The following KCNIP3 variants were observed in gnomAD, a reference collection of about 807,000 sequenced individuals.
The protein encoded by KCNIP3 is potassium voltage-gated channel interacting protein 3.
In KCNIP3, 28 loss-of-function variants were observed where a neutral mutation model predicts 35.0. That is an observed-to-expected ratio of 0.80 (90% confidence interval 0.59 to 1.10). The LOEUF (loss-of-function observed/expected upper bound fraction) is 1.10, where lower values mean the gene tolerates loss of function less well. KCNIP3 is among the 50% of genes least tolerant of loss of function. The probability of loss-of-function intolerance (pLI) is 0.00; values close to 1 mark genes in which losing one functional copy is unlikely to be tolerated. For missense variants in KCNIP3, 295 were observed against 338.4 expected, an observed-to-expected ratio of 0.87 and a Z score of 1.01; for synonymous variants, 134 against 133.8, an observed-to-expected ratio of 1.00 and a Z score of -0.01.
intron 5 of KCNIP3, among the ~76,000 whole-genome samples, chr2:95,379,246 A>C (rs1200229867): frequency 6.6e-6 from 1 of 152,194 alleles, no homozygotes; most frequent in Admixed American, 6.5e-5. Context: ...TGATTTGTGA[A>C]CTGGACCCCT....
chr2:95,331,396 A>C (rs1678923995), intron 2 of KCNIP3, among the ~76,000 whole-genome samples: 1 of 152,114 alleles, frequency 6.6e-6, no homozygotes, highest in Non-Finnish European at 1.5e-5. Flanking sequence ...TGGTGGTAGC[A>C]TTTCAAGTCT....
At chr2:95,359,474 C>T (rs1679737963) in intron 2 of KCNIP3, among the ~76,000 whole-genome samples, 2 of 152,238 alleles carry the variant, frequency 1.3e-5, no homozygotes, top group African/African-American at 2.4e-5. Context: ...CACTGGGGCC[C>T]TGGGCACCCC....
chr2:95,306,275 C>T (rs1340648060), intron 1 of KCNIP3, among the ~76,000 whole-genome samples: 2 of 152,230 alleles, frequency 1.3e-5, no homozygotes, highest in African/African-American at 4.8e-5. Flanking sequence ...CCGCCTTTGC[C>T]ATCCACGTGT....
At chr2:95,346,373 C>A (rs551029960) in intron 2 of KCNIP3, among the ~76,000 whole-genome samples, 3 of 151,478 alleles carry the variant, frequency 2.0e-5, no homozygotes, top group Non-Finnish European at 4.4e-5. Flanking sequence ...AACCGCCGAC[C>A]GCGCGGCCTC....
intron 2 of KCNIP3, among the ~76,000 whole-genome samples, chr2:95,320,430 G>A (rs1678564782): frequency 6.6e-6 from 1 of 152,086 alleles, no homozygotes; most frequent in Non-Finnish European, 1.5e-5. Flanking sequence ...AGGGTGTGGT[G>A]GGGTGTGGGC....
chr2:95,362,345 A>T (rs1401515196), intron 2 of KCNIP3, among the ~76,000 whole-genome samples: 1 of 152,094 alleles, frequency 6.6e-6, no homozygotes, highest in African/African-American at 2.4e-5. Flanking sequence ...ACCTCAGGTG[A>T]TCCGCCCACC....
At chr2:95,301,956 A>C (rs1678042851) in intron 1 of KCNIP3, among the ~76,000 whole-genome samples, 2 of 152,052 alleles carry the variant, frequency 1.3e-5, no homozygotes. Context: ...TCAGGGACTC[A>C]TGACAACCTC....
chr2:95,382,624 G>C lies in KCNIP3; in HGVS notation c.660+143G>C. ...AGGTTAAACTTGCCCCTCCAGTCTG[G>C]CTGGTTGTCAGAACCCCTGAGAAGT... On this transcript the variant is annotated intron_variant, in intron 7 of 8. Coordinates refer to ENST00000295225, the MANE Select transcript of KCNIP3 (RefSeq NM_013434.5). This position sits in a 1 kb window ranked among gnomAD's most constrained non-coding sequence, Gnocchi z 4.5. 1 of 578,984 alleles carries C rather than the reference G, an allele frequency of 1.7e-6. No individual in the cohort carries two copies. Among genetic ancestry groups the C allele is most frequent in the African/African-American group, 1.9e-5 (1 of 53,094 alleles). 35.9% of individuals were successfully genotyped at this position (578,984 alleles called of 1,614,324 possible).
At chr2:95,339,485 G>C (rs1425604469) in intron 2 of KCNIP3, among the ~76,000 whole-genome samples, 1 of 152,148 alleles carries the variant, frequency 6.6e-6, no homozygotes, top group East Asian at 1.9e-4. Context: ...TTGGGAGGCT[G>C]AGGCGGGAGA....
At position 95,378,807 on chromosome 2, in the gene KCNIP3, TAC is replaced by T. The variant is rs993627429; in HGVS notation, c.448-2775_448-2774del. ...ACACACACACACACATATATATATATACACACACACACACATATATACACACA... is the reference window on the plus strand; with the variant it reads ...ACACACACACACACATATATATATATACACACACACACATATATACACACA... On this transcript the variant is annotated intron_variant, in intron 5 of 8. Coordinates refer to ENST00000295225, the MANE Select transcript of KCNIP3 (RefSeq NM_013434.5). The surrounding 1 kb of genome is among the most constrained non-coding windows in gnomAD (Gnocchi z 4.0). Among the ~76,000 whole-genome samples, 1,361 of 149,938 alleles carry T rather than the reference TAC, an allele frequency of 9.1e-3. 26 individuals are homozygous for T. The highest frequency in any genetic ancestry group is 0.03 in the African/African-American group (1,237 of 40,750).
intron 2 of KCNIP3, among the ~76,000 whole-genome samples, chr2:95,359,471 G>T (rs1679737829): frequency 6.6e-6 from 1 of 152,176 alleles, no homozygotes; most frequent in Admixed American, 6.5e-5. Flanking sequence ...ACACACTGGG[G>T]CCCTGGGCAC....
At chr2:95,381,779 C>G in intron 6 of KCNIP3, 76 bp downstream of exon 6, 1 of 1,012,082 alleles carries the variant, frequency 9.9e-7, no homozygotes, top group Non-Finnish European at 1.6e-6. Context: ...CTCTTCCTCT[C>G]CCTGCTCCTG....
intron 2 of KCNIP3, chr2:95,368,453 C>T (rs1679967976): frequency 5.6e-6 from 1 of 179,424 alleles, no homozygotes; most frequent in African/African-American, 2.4e-5. Context: ...ATGGGTGCAC[C>T]ACAATCTCAC....
chr2:95,327,567 G>C (rs1319668734), intron 2 of KCNIP3, among the ~76,000 whole-genome samples: 2 of 152,208 alleles, frequency 1.3e-5, no homozygotes, highest in Non-Finnish European at 2.9e-5. Context: ...CCTGGGGCCA[G>C]AGCAAGGGGA....
At chr2:95,383,134 C>CAA in intron 7 of KCNIP3, 98 bp from the exon 8 acceptor site, 1 of 729,236 alleles carries the variant, frequency 1.4e-6, no homozygotes, top group East Asian at 3.1e-5. Context: ...TCCACCCACC[C>CAA]GCCCATCCAC....
intron 3 of KCNIP3, 60 bp downstream of exon 3, chr2:95,374,480 A>C: frequency 6.3e-7 from 1 of 1,583,404 alleles, no homozygotes; most frequent in East Asian, 2.3e-5. Flanking sequence ...GGAGACCTGG[A>C]AACTTCTCCA....
chr2:95,345,423 G>A (rs376371073), intron 2 of KCNIP3, among the ~76,000 whole-genome samples: 1 of 152,248 alleles, frequency 6.6e-6, no homozygotes, highest in Non-Finnish European at 1.5e-5. Context: ...GCCACGCGCC[G>A]CGGCTCCCAC....
rs1234649126 is a variant in KCNIP3 at position 95,367,106 on chromosome 2, C to T, written c.182-7190C>T. 2.0e-5 allele frequency among the ~76,000 whole-genome samples: 3 copies of T among 151,936 alleles called. No homozygotes were observed. In the East Asian group the frequency reaches 5.8e-4, roughly 29 times the overall value. ...TCGCCAACATGGTGAAATCCTGTCT[C>T]TACTAAAAATACAAAAACTAGCTAG... On this transcript the variant is annotated intron_variant, in intron 2 of 8. Transcript: ENST00000295225.
At chr2:95,327,843 G>T (rs542237914) in intron 2 of KCNIP3, among the ~76,000 whole-genome samples, 42 of 152,360 alleles carry the variant, frequency 2.8e-4, no homozygotes, top group Non-Finnish European at 5.7e-4. Context: ...TGGGAGGGAA[G>T]AAGGAGCCAG....
Sources: allele counts gnomAD v4.1 joint callset (sites outside exome capture counted in the v4.1 genomes callset), GRCh38; gene constraint gnomAD v4.1.1; non-coding constraint Gnocchi (gnomAD v3.1); transcripts MANE v1.5; gene names NCBI Gene and HGNC (gene_info 2026-07-23, HGNC 2026-07-21).